CENPV: variants seen among roughly 807,000 people sequenced by gnomAD.
CENPV encodes the protein centromere protein V, also known as nuclear protein p30.
In CENPV, 15 loss-of-function variants were observed where a neutral mutation model predicts 26.4. That is an observed-to-expected ratio of 0.57 (90% confidence interval 0.38 to 0.88). The LOEUF (loss-of-function observed/expected upper bound fraction) is 0.88. CENPV is among the 40% of genes least tolerant of loss of function. CENPV has a pLI of 0.00. For synonymous variants in CENPV, 172 were observed against 165.5 expected (o/e 1.04, Z -0.30); for missense variants, 336 against 376.5 (o/e 0.89, Z 0.89).
At position 16,344,627 on chromosome 17, in the gene CENPV, A is replaced by G. The variant is rs1217102168; in HGVS notation, c.664T>C (p.Tyr222His). The G allele has an allele frequency of 1.3e-6, 2 of 1,597,530 alleles. No individual in the cohort carries two copies. The highest frequency in any genetic ancestry group is 3.5e-5 in the Admixed American group (2 of 57,194). ...CCTCCGGGGTTTGATCGTGGAGTAT[A>G]GAAGCTCTGAACGCCACATCTCTTA... ...FCKRCGVQSF[Y>H]TPRSNPGGFG... is the part of the protein sequence containing the mutation. The change falls in exon 4 of 5, where the codon TAT (tyrosine) becomes CAT (histidine). Residue 222 changes from tyrosine to histidine, a missense_variant. Coordinates refer to ENST00000299736, the MANE Select transcript of CENPV (RefSeq NM_181716.3).
intron 1 of CENPV, among the ~76,000 whole-genome samples, chr17:16,352,518 A>G (rs940934275): frequency 6.6e-6 from 1 of 152,102 alleles, no homozygotes. Context: ...GCCTGGAACA[A>G]TGACGGGATT....
At chr17:16,344,023 A>G (rs1173045191) in intron 4 of CENPV, among the ~76,000 whole-genome samples, 2 of 152,058 alleles carry the variant, frequency 1.3e-5, no homozygotes, top group Non-Finnish European at 2.9e-5. Flanking sequence ...TTATTTTTTA[A>G]AAAGAACAGA....
chr17:16,342,905 C>G lies in CENPV; in HGVS notation c.731G>C (p.Arg244Pro). The G allele has an allele frequency of 6.2e-7, 1 of 1,614,152 alleles. No homozygotes were observed. The highest frequency in any genetic ancestry group is 8.5e-7 in the Non-Finnish European group (1 of 1,180,032). The change falls in exon 5 of 5, where the codon CGG becomes CCG. Residue 244 changes from arginine (R) to proline (P), a missense_variant. Physicochemically the swap from Arg to Pro is moderately radical, Grantham distance 103. Coordinates refer to ENST00000299736, the MANE Select transcript of CENPV (RefSeq NM_181716.3). ...APHCLDEGTV[R>P]SMVTEEFNGS... ...ATTGAATTCCTCAGTGACCATACTC[C>G]GCACAGTGCCCTCATCCAGGCAGTG...
At chr17:16,352,649 G>A (rs1200065524) in intron 1 of CENPV, among the ~76,000 whole-genome samples, 1 of 152,112 alleles carries the variant, frequency 6.6e-6, no homozygotes, top group Non-Finnish European at 1.5e-5. Context: ...GTAAGAGAAA[G>A]CCGTGGGATT....
chr17:16,353,442 C>A lies in CENPV; in HGVS notation c.-6G>T, dbSNP rs1186480525. On this transcript the variant is annotated 5_prime_UTR_variant, in exon 1 of 5. Transcript: ENST00000299736. ...GAGCTCCTCGATCGCCGCATGGCTC[C>A]CGCAGCCTGGCGCGCAGGCCTCGCA... 7.3e-5 allele frequency: 83 copies of A among 1,134,850 alleles called. No homozygotes were observed. The highest frequency in any genetic ancestry group is 8.1e-5 in the Non-Finnish European group (75 of 927,498). 70.3% of individuals were successfully genotyped at this position (1,134,850 alleles called of 1,614,324 possible).
Position 16,353,215 on chromosome 17 carries a change from G to T in CENPV, c.222C>A (p.Gly74=). The change falls in exon 1 of 5, where the codon GGC becomes GGA. Residue 74 remains glycine (G), a synonymous_variant. Transcript: ENST00000299736. Reference sequence around the variant, plus strand: ...GCTCAGGCGGCGGCGGCTCCCCCGGGCCCTCCTCCTGGGCCCGCGGCGACG... The same window carrying T: ...GCTCAGGCGGCGGCGGCTCCCCCGGTCCCTCCTCCTGGGCCCGCGGCGACG... ...RRSSPRAQEE[G]PGEPPPPELA... is the part of the protein sequence containing the mutation. 7.2e-7 allele frequency: 1 copy of T among 1,383,430 alleles called. No individual in the cohort carries two copies. The highest frequency in any genetic ancestry group is 9.3e-7 in the Non-Finnish European group (1 of 1,075,198). 85.7% of individuals were successfully genotyped at this position (1,383,430 alleles called of 1,614,324 possible).
In CENPV at chr17:16,344,607, G is replaced by C. The variant is rs141893330; in HGVS notation, c.684C>G (p.Pro228=). The change falls in exon 4 of 5, where the codon CCC becomes CCG. Residue 228 remains proline, a synonymous_variant. Transcript: ENST00000299736. ...VQSFYTPRSN[P]GGFGIAPHCL... ...ATCCCCTTTACTCACCGAAGCCTCC[G>C]GGGTTTGATCGTGGAGTATAGAAGC... is the stretch of plus-strand genomic sequence containing the variant. The C allele has an allele frequency of 1.3e-6, 2 of 1,575,386 alleles. No homozygotes were observed. The highest frequency in any genetic ancestry group is 1.7e-6 in the Non-Finnish European group (2 of 1,163,560).
Position 16,353,396 on chromosome 17 carries a change from C to G in CENPV, c.41G>C (p.Gly14Ala). 1 of 1,186,680 alleles carries G rather than the reference C, an allele frequency of 8.4e-7. No individual in the cohort carries two copies. 73.5% of individuals were successfully genotyped at this position (1,186,680 alleles called of 1,614,324 possible). A position where few individuals can be genotyped will look rare whatever the true frequency, so the allele number is the denominator to read the frequency against. The change falls in exon 1 of 5, where the codon GGG (glycine) becomes GCG (alanine). Residue 14 changes from glycine (G) to alanine (A), a missense_variant. Gly to Ala is a moderately conservative substitution (Grantham distance 60). Coordinates refer to ENST00000299736, the MANE Select transcript of CENPV (RefSeq NM_181716.3). ...CGCGGAGGCCCCGGACCGCTTCTGCCCGCGCAGCTTGGCGGCCGCAGAGCT... is the reference window on the plus strand; with the variant it reads ...CGCGGAGGCCCCGGACCGCTTCTGCGCGCGCAGCTTGGCGGCCGCAGAGCT... ...SRSSAAAKLR[G>A]QKRSGASAAP...
At chr17:16,344,765 AATTTATTT>A (rs533107813) in intron 3 of CENPV, 54 bp from the exon 4 acceptor site, 8 of 955,514 alleles carry the variant, frequency 8.4e-6, no homozygotes, top group Admixed American at 3.1e-5. Context: ...TTATTTATTT[AATTTATTT>A]ATTTATTTAT....
chr17:16,350,157 G>A, intron 1 of CENPV, 128 bp from the exon 2 acceptor site: 1 of 1,129,324 alleles, frequency 8.9e-7, no homozygotes, highest in Non-Finnish European at 1.2e-6. Context: ...ATGCATTTCT[G>A]CTTTTAAGGA....
Position 16,342,756 on chromosome 17 carries a change from A to G in CENPV, c.*61T>C. 6.2e-7 allele frequency: 1 copy of G among 1,607,376 alleles called. No homozygotes were observed. The highest frequency in any genetic ancestry group is 8.5e-7 in the Non-Finnish European group (1 of 1,174,862). Reference sequence around the variant, plus strand: ...TTCAGGAGCACCACCGAGGCACGGCAGGGAGAGCAAAGTTGCTGGCCCCAA... The same window carrying G: ...TTCAGGAGCACCACCGAGGCACGGCGGGGAGAGCAAAGTTGCTGGCCCCAA... On this transcript the variant is annotated 3_prime_UTR_variant, in exon 5 of 5. Coordinates refer to ENST00000299736, the MANE Select transcript of CENPV (RefSeq NM_181716.3).
At chr17:16,352,836 A>ACCGCC (rs2093233683) in intron 1 of CENPV, among the ~76,000 whole-genome samples, 191 bp downstream of exon 1, 1 of 151,262 alleles carries the variant, frequency 6.6e-6, no homozygotes, top group South Asian at 2.1e-4. Flanking sequence ...CCCTAGAAGC[A>ACCGCC]CCGCCCCGCC....
chr17:16,353,406 T>C lies in CENPV; in HGVS notation c.31A>G (p.Lys11Glu), dbSNP rs1370303278. The change falls in exon 1 of 5, where the codon AAG becomes GAG. Residue 11 changes from lysine to glutamate, a missense_variant. Coordinates refer to ENST00000299736, the MANE Select transcript of CENPV (RefSeq NM_181716.3). MRRSRSSAAA[K>E]LRGQKRSGAS... ...CCGGACCGCTTCTGCCCGCGCAGCT[T>C]GGCGGCCGCAGAGCTCCTCGATCGC... is the stretch of plus-strand genomic sequence containing the variant. 7.7e-6 allele frequency: 9 copies of C among 1,174,814 alleles called. No individual in the cohort carries two copies. Among genetic ancestry groups the C allele is most frequent in the South Asian group, 4.0e-5 (1 of 24,730 alleles). 72.8% of individuals were successfully genotyped at this position (1,174,814 alleles called of 1,614,324 possible). A position where few individuals can be genotyped will look rare whatever the true frequency, so the allele number is the denominator to read the frequency against.
At chr17:16,350,344 A>ATT (rs755226283) in intron 1 of CENPV, among the ~76,000 whole-genome samples, 17 of 143,220 alleles carry the variant, frequency 1.2e-4, no homozygotes, top group Non-Finnish European at 1.5e-4. Context: ...CAAATACTAA[A>ATT]TTTTTTTTTT....
chr17:16,349,724 G>C, intron 2 of CENPV: 1 of 1,352,364 alleles, frequency 7.4e-7, no homozygotes, highest in Non-Finnish European at 9.5e-7. Flanking sequence ...TGTGTCACCT[G>C]GGCCATGCTG....
intron 3 of CENPV, among the ~76,000 whole-genome samples, chr17:16,345,558 T>C (rs1436679043): frequency 6.6e-6 from 1 of 151,916 alleles, no homozygotes; most frequent in Non-Finnish European, 1.5e-5. Context: ...TGAAATAACT[T>C]AATGGCAGGA....
intron 4 of CENPV, 127 bp from the exon 5 acceptor site, chr17:16,343,068 T>C: frequency 1.9e-6 from 2 of 1,080,584 alleles, no homozygotes; most frequent in South Asian, 3.1e-5. Context: ...CCAAAGGATA[T>C]GCCACAGCTT....
intron 3 of CENPV, among the ~76,000 whole-genome samples, chr17:16,345,261 CAAA>C (rs1180328905): frequency 8.8e-5 from 4 of 45,304 alleles, no homozygotes; most frequent in Non-Finnish European, 1.4e-4. Context: ...GACTCCGTCT[CAAA>C]AAAAAAAAAA....
At chr17:16,346,865 T>G (rs748465482) in intron 3 of CENPV, among the ~76,000 whole-genome samples, 5 of 151,934 alleles carry the variant, frequency 3.3e-5, no homozygotes, top group African/African-American at 4.8e-5. Context: ...TGTTTTGTTT[T>G]TTTGAGACAA....
Sources: gnomAD v4.1 joint callset for allele counts (sites outside exome capture counted in the v4.1 genomes callset) on GRCh38, gnomAD v4.1.1 for gene constraint, MANE v1.5 for transcripts, NCBI Gene and HGNC (gene_info 2026-07-23, HGNC 2026-07-21) for gene names.